The following ZNRF3 variants were observed in gnomAD, a reference collection of about 807,000 sequenced individuals.
ZNRF3 encodes the protein E3 ubiquitin-protein ligase ZNRF3.
ZNRF3 carries 23 observed loss-of-function variants against 72.5 expected under a neutral mutation model. That is an observed-to-expected ratio of 0.32 (90% CI 0.23 to 0.45). The LOEUF is 0.45. Among genes scored for constraint, ZNRF3 ranks in the 20% least tolerant of loss-of-function variants. The probability of loss-of-function intolerance (pLI) is 1.00; values close to 1 mark genes in which losing one functional copy is unlikely to be tolerated. For synonymous variants in ZNRF3, 610 were observed against 545.3 expected (o/e 1.12, Z -1.65); for missense variants, 1,169 against 1,272.1 (o/e 0.92, Z 1.23).
At chr22:28,898,871 G>A (rs2034050627) in intron 1 of ZNRF3, among the ~76,000 whole-genome samples, 1 of 149,662 alleles carries the variant, frequency 6.7e-6, no homozygotes, top group African/African-American at 2.5e-5. Context: ...CTGACTGTAA[G>A]CATTTGGGAA....
At chr22:28,928,962 G>A (rs1005534653) in intron 1 of ZNRF3, among the ~76,000 whole-genome samples, 2 of 152,150 alleles carry the variant, frequency 1.3e-5, no homozygotes, top group African/African-American at 4.8e-5. Context: ...TACTACCACA[G>A]TTTCAAACCA....
At chr22:29,007,748 CTTCCTTTTTTTTT>C (rs1569279267) in intron 2 of ZNRF3, among the ~76,000 whole-genome samples, 1 of 107,164 alleles carries the variant, frequency 9.3e-6, no homozygotes, top group East Asian at 2.8e-4. Flanking sequence ...AATTCCATTT[CTTCCTTTTTTTTT>C]TTTTTTTTTT....
At position 29,050,305 on chromosome 22, in the gene ZNRF3, G is replaced by A. The variant is rs762676144; in HGVS notation, c.2124G>A (p.Pro708=). 3.1e-6 allele frequency: 5 copies of A among 1,598,734 alleles called. No homozygotes were observed. Among genetic ancestry groups the A allele is most frequent in the Non-Finnish European group, 3.4e-6 (4 of 1,178,020 alleles). Residue 708 remains proline, a synonymous_variant, in exon 8 of 9, where the codon CCG becomes CCA. Transcript: ENST00000544604. ...RRTWKGGHEL[P]SCACCCEPQP... is the part of the protein sequence containing the mutation. The stretch of plus-strand genomic sequence containing the variant: ...CCTGGAAGGGGGGCCACGAGTTGCC[G>A]TCGTGTGCCTGCTGCTGCGAGCCCC...
chr22:29,044,756 C>A, intron 4 of ZNRF3, 24 bp from the exon 5 acceptor site: 1 of 1,541,492 alleles, frequency 6.5e-7, no homozygotes, highest in Non-Finnish European at 9.0e-7. Context: ...GGCTGTGACT[C>A]ACTGTGTCTG....
intron 1 of ZNRF3, among the ~76,000 whole-genome samples, chr22:28,897,349 C>T (rs1169177452): frequency 6.6e-6 from 1 of 152,218 alleles, no homozygotes; most frequent in South Asian, 2.1e-4. Flanking sequence ...CAGAATCTCA[C>T]TCTGTCACCC....
In ZNRF3 at chr22:28,955,041, T is replaced by TG. The variant is rs1555973672; in HGVS notation, c.301-32035_301-32034insG. Among the ~76,000 whole-genome samples the TG allele has an allele frequency of 2.6e-3, 393 of 149,716 alleles. 2 individuals carry two copies. Among genetic ancestry groups the TG allele is most frequent in the South Asian group, 0.023 (107 of 4,712 alleles). On this transcript the variant is annotated intron_variant, in intron 1 of 8. Transcript: ENST00000544604. ...AAATGGTATTTTTGGTGTTTTTTTT[T>TG]TTTTGTTTTTTTTTTTTGAGACAAG...
chr22:29,036,026 G>A (rs540482012), intron 2 of ZNRF3, among the ~76,000 whole-genome samples: 1 of 152,244 alleles, frequency 6.6e-6, no homozygotes, highest in South Asian at 2.1e-4. Flanking sequence ...TGGTGGGCGT[G>A]TGTCTGTAAC....
chr22:28,912,564 T>C (rs1286705537), intron 1 of ZNRF3, among the ~76,000 whole-genome samples: 1 of 152,104 alleles, frequency 6.6e-6, no homozygotes. Flanking sequence ...AACTTCATTA[T>C]TGTCTGGATA....
intron 2 of ZNRF3, among the ~76,000 whole-genome samples, chr22:29,010,279 G>A (rs1044748449): frequency 7.2e-5 from 11 of 151,982 alleles, no homozygotes; most frequent in African/African-American, 2.7e-4. Context: ...ACAGCCCCTG[G>A]CAACCACCAT....
chr22:28,887,605 G>A (rs1460421369), intron 1 of ZNRF3, among the ~76,000 whole-genome samples: 3 of 152,086 alleles, frequency 2.0e-5, no homozygotes, highest in African/African-American at 7.2e-5. Context: ...TTGTGGGTAT[G>A]AAATGCTATT....
intron 2 of ZNRF3, among the ~76,000 whole-genome samples, chr22:28,995,311 G>A (rs2036028506): frequency 6.6e-6 from 1 of 152,152 alleles, no homozygotes; most frequent in East Asian, 1.9e-4. Flanking sequence ...GCGGGCGCCT[G>A]TAATCCCAGC....
At chr22:28,986,196 G>A (rs922151622) in intron 1 of ZNRF3, among the ~76,000 whole-genome samples, 1 of 152,106 alleles carries the variant, frequency 6.6e-6, no homozygotes, top group Non-Finnish European at 1.5e-5. Context: ...GATATCTTGG[G>A]GGCCATATTC....
intron 1 of ZNRF3, among the ~76,000 whole-genome samples, chr22:28,940,564 T>C (rs1361342778): frequency 1.3e-5 from 2 of 151,820 alleles, no homozygotes; most frequent in African/African-American, 4.8e-5. Flanking sequence ...TTAGAAAACT[T>C]AATCACAGGT....
chr22:29,007,797 C>A (rs1478225218), intron 2 of ZNRF3, among the ~76,000 whole-genome samples: 2 of 135,794 alleles, frequency 1.5e-5, no homozygotes, highest in Admixed American at 8.1e-5. Context: ...CACTCTGTTG[C>A]CCAGGCTGGA....
intron 1 of ZNRF3, among the ~76,000 whole-genome samples, chr22:28,951,599 A>G (rs534593834): frequency 6.6e-6 from 1 of 152,154 alleles, no homozygotes; most frequent in Non-Finnish European, 1.5e-5. Flanking sequence ...CAAGATGACA[A>G]ATTTCTTTTT....
intron 8 of ZNRF3, among the ~76,000 whole-genome samples, chr22:29,051,867 A>T (rs1004563963): frequency 3.7e-4 from 53 of 144,126 alleles, no homozygotes; most frequent in African/African-American, 1.3e-3. Context: ...CTCCAGCCTG[A>T]GCGACTCCAT....
chr22:28,920,095 G>A (rs2034483069), intron 1 of ZNRF3, among the ~76,000 whole-genome samples: 3 of 151,722 alleles, frequency 2.0e-5, no homozygotes, highest in South Asian at 4.2e-4. Flanking sequence ...TCAGCCTCCC[G>A]AGTAGCTGGG....
intron 1 of ZNRF3, among the ~76,000 whole-genome samples, chr22:28,970,736 G>A (rs1299339772): frequency 1.3e-5 from 2 of 152,054 alleles, no homozygotes; most frequent in Admixed American, 1.3e-4. Context: ...AAGGATCCAG[G>A]GTTCTTCCCT....
chr22:29,020,023 C>T (rs1017058884), intron 2 of ZNRF3, among the ~76,000 whole-genome samples: 1 of 151,944 alleles, frequency 6.6e-6, no homozygotes, highest in East Asian at 1.9e-4. Context: ...CCCAATCCCC[C>T]CATGGATACC....
Sources: gnomAD v4.1 joint callset for allele counts (sites outside exome capture counted in the v4.1 genomes callset) on GRCh38, gnomAD v4.1.1 for gene constraint, MANE v1.5 for transcripts, NCBI Gene and HGNC (gene_info 2026-07-23, HGNC 2026-07-21) for gene names.